KLRD1: variants seen among roughly 807,000 people sequenced by gnomAD.
KLRD1 encodes the protein killer cell lectin like receptor D1.
A neutral mutation model predicts 22.6 loss-of-function variants in KLRD1; 21 were observed. The observed-to-expected ratio is 0.93, with a 90% CI of 0.66 to 1.34. The LOEUF (loss-of-function observed/expected upper bound fraction) is 1.34, where lower values mean the gene tolerates loss of function less well. Among genes scored for constraint, KLRD1 ranks in the 40% most tolerant of loss-of-function variants. The pLI, the probability that KLRD1 is intolerant of heterozygous loss-of-function variation, is 0.00. For missense variants in KLRD1, 183 were observed against 208.6 expected (o/e 0.88, Z 0.76); for synonymous variants, 59 against 71.1 (o/e 0.83, Z 0.85).
intron 1 of KLRD1, among the ~76,000 whole-genome samples, chr12:10,280,140 A>G (rs891375697): frequency 2.0e-5 from 3 of 152,226 alleles, no homozygotes; most frequent in Admixed American, 1.3e-4. Context: ...AGGGCTAGCA[A>G]CACTGTGGTT....
At chr12:10,291,274 G>T (rs1407348281) in intron 1 of KLRD1, among the ~76,000 whole-genome samples, 1 of 152,110 alleles carries the variant, frequency 6.6e-6, no homozygotes, top group African/African-American at 2.4e-5. Context: ...GAAGGCTGGG[G>T]TGACAGTGGC....
upstream of KLRD1, among the ~76,000 whole-genome samples, chr12:10,305,785 A>G (rs951151502): frequency 2.0e-5 from 3 of 152,220 alleles, no homozygotes; most frequent in Admixed American, 6.5e-5. Flanking sequence ...AGGCGAGGCA[A>G]TGATAACTTC....
chr12:10,286,552 ATT>A lies in KLRD1; in HGVS notation c.-100-21424_-100-21423del, dbSNP rs544511798. ...AAACTACTCACTTTTGACATCTTGT[ATT>A]TAGCAGATTGAAGAAGCAGAAAGAA... On this transcript the variant is annotated intron_variant, in intron 1 of 5. Transcript: ENST00000544747. Among the ~76,000 whole-genome samples the A allele has an allele frequency of 1.1e-3, 167 of 150,006 alleles. 1 individual carries two copies. Among genetic ancestry groups the A allele is most frequent in the African/African-American group, 3.7e-3 (154 of 41,142 alleles).
chr12:10,260,591 A>G (rs1949442245), intron 1 of KLRD1, among the ~76,000 whole-genome samples: 1 of 152,102 alleles, frequency 6.6e-6, no homozygotes, highest in South Asian at 2.1e-4. Flanking sequence ...TCACGAGGTC[A>G]GGAATTCAAG....
intron 1 of KLRD1, among the ~76,000 whole-genome samples, chr12:10,251,043 G>A (rs1311648793): frequency 6.6e-6 from 1 of 152,142 alleles, no homozygotes. Context: ...GCTAACATAT[G>A]TTGCCTCACT....
intron 1 of KLRD1, among the ~76,000 whole-genome samples, chr12:10,254,297 G>C (rs1314397975): frequency 6.6e-6 from 1 of 150,638 alleles, no homozygotes; most frequent in Non-Finnish European, 1.5e-5. Flanking sequence ...GCGCGGTGGA[G>C]GGCGCCTGTA....
intron 5 of KLRD1, 41 bp from the exon 6 acceptor site, chr12:10,314,632 C>A: frequency 1.3e-6 from 2 of 1,495,592 alleles, no homozygotes; most frequent in South Asian, 1.4e-5. Context: ...AACATTCTTA[C>A]TTCCTTTTTG....
chr12:10,328,291 ATTT>A lies in KLRD1; in HGVS notation c.*13503_*13505del, dbSNP rs895250800. 1 of 152,074 alleles carries A rather than the reference ATTT, an allele frequency of 6.6e-6. No homozygotes were observed. The highest frequency in any genetic ancestry group is 1.5e-5 in the Non-Finnish European group (1 of 67,990). The allele number at this position is 152,074 out of a possible 1,614,324, so 9.4% of individuals were successfully genotyped here. ...CCAGAAGAGCCATCTTGTCCTGGGA[ATTT>A]TTTTGTTGTAAGTTTCTTGATTACT... On this transcript the variant is annotated 3_prime_UTR_variant, in exon 6 of 6. Transcript: ENST00000336164.
chr12:10,265,974 C>A (rs537693181), intron 1 of KLRD1, among the ~76,000 whole-genome samples: 1 of 152,304 alleles, frequency 6.6e-6, no homozygotes, highest in African/African-American at 2.4e-5. Flanking sequence ...CATGGTCCCT[C>A]TGACACTATT....
In KLRD1 at chr12:10,326,050, A is replaced by G. The variant is rs1950358516; in HGVS notation, c.*11257A>G. The stretch of plus-strand genomic sequence containing the variant: ...GGTGGTTATAATTTGCATTTCCCTG[A>G]TGATTAGTGATATTGAGCATCATTT... On this transcript the variant is annotated 3_prime_UTR_variant, in exon 6 of 6. Coordinates refer to ENST00000336164, the MANE Select transcript of KLRD1 (RefSeq NM_002262.5). 1 of 152,154 alleles carries G rather than the reference A, an allele frequency of 6.6e-6. No individual in the cohort carries two copies. The highest frequency in any genetic ancestry group is 2.4e-5 in the African/African-American group (1 of 41,430). 9.4% of individuals were successfully genotyped at this position (152,154 alleles called of 1,614,324 possible).
upstream of KLRD1, among the ~76,000 whole-genome samples, chr12:10,306,573 T>C (rs1949932488): frequency 6.6e-6 from 1 of 152,140 alleles, no homozygotes; most frequent in Non-Finnish European, 1.5e-5. Context: ...TTGAGGCAAT[T>C]TTACATGGGG....
rs1330136613 is a variant in KLRD1 at position 10,314,988 on chromosome 12, A to G, written c.*195A>G. The G allele has an allele frequency of 7.1e-6, 3 of 420,302 alleles. No homozygotes were observed. The highest frequency in any genetic ancestry group is 4.2e-5 in the African/African-American group (2 of 47,650). The allele number at this position is 420,302 out of a possible 1,614,324, so 26.0% of individuals were successfully genotyped here. ...GAAATTCGTTCACCTACATTTGAGAATTATAAAATTAACATAAAGAATTTT... is the reference window on the plus strand; with the variant it reads ...GAAATTCGTTCACCTACATTTGAGAGTTATAAAATTAACATAAAGAATTTT... On this transcript the variant is annotated 3_prime_UTR_variant, in exon 6 of 6. Coordinates refer to ENST00000336164, the MANE Select transcript of KLRD1 (RefSeq NM_002262.5).
intron 1 of KLRD1, among the ~76,000 whole-genome samples, chr12:10,256,802 T>G (rs181058565): frequency 2.4e-4 from 36 of 152,200 alleles, no homozygotes; most frequent in African/African-American, 7.9e-4. Context: ...GATCTTTATA[T>G]CTTCATATGA....
At chr12:10,263,419 G>A (rs1007343985) in intron 1 of KLRD1, among the ~76,000 whole-genome samples, 5 of 151,928 alleles carry the variant, frequency 3.3e-5, no homozygotes, top group African/African-American at 1.2e-4. Flanking sequence ...TTGCATTGAT[G>A]TGTTCTATAA....
intron 1 of KLRD1, among the ~76,000 whole-genome samples, chr12:10,254,272 C>CA (rs1369290964): frequency 3.3e-5 from 5 of 151,532 alleles, no homozygotes; most frequent in South Asian, 2.1e-4. Context: ...ACTAAAAATA[C>CA]AAAAAATTAG....
chr12:10,309,695 C>T lies in KLRD1; in HGVS notation c.163+7C>T, dbSNP rs1950012551. ...AACATAGAACTCCAGAAAGGTAGGT[C>T]ACATTTTTTGGAAAACTTAGCATTG... On this transcript the variant is annotated splice_region_variant and intron_variant, in intron 3 of 5. Coordinates refer to ENST00000336164, the MANE Select transcript of KLRD1 (RefSeq NM_002262.5). 6.2e-7 allele frequency: 1 copy of T among 1,608,234 alleles called. No homozygotes were observed. The highest frequency in any genetic ancestry group is 8.5e-7 in the Non-Finnish European group (1 of 1,175,248).
chr12:10,277,586 T>C (rs1460108638), intron 1 of KLRD1, among the ~76,000 whole-genome samples: 1 of 152,194 alleles, frequency 6.6e-6, no homozygotes, highest in Admixed American at 6.5e-5. Context: ...AAACAGCCTA[T>C]ATAAAAATGA....
chr12:10,309,152 A>G (rs1949993555), intron 1 of KLRD1: 1 of 366,128 alleles, frequency 2.7e-6, no homozygotes, highest in Middle Eastern at 7.6e-4. Context: ...TTACTGCAAC[A>G]GAGCTGGTAG....
chr12:10,263,307 C>T (rs563091429), intron 1 of KLRD1, among the ~76,000 whole-genome samples: 1 of 152,108 alleles, frequency 6.6e-6, no homozygotes, highest in South Asian at 2.1e-4. Context: ...AATTCATTAA[C>T]ATTAAAATTA....
Sources: gnomAD v4.1 joint callset for allele counts (sites outside exome capture counted in the v4.1 genomes callset) on GRCh38, gnomAD v4.1.1 for gene constraint, MANE v1.5 for transcripts, NCBI Gene and HGNC (gene_info 2026-07-23, HGNC 2026-07-21) for gene names.